SRPK2: variants seen among roughly 807,000 people sequenced by gnomAD.
SRPK2 encodes SRSF protein kinase 2, also known as SFRS protein kinase 2.
A neutral mutation model predicts 90.8 loss-of-function variants in SRPK2; 21 were observed. That is an observed-to-expected ratio of 0.23 (90% CI 0.16 to 0.33). The LOEUF (loss-of-function observed/expected upper bound fraction) is 0.33, where lower values mean the gene tolerates loss of function less well. Among genes scored for constraint, SRPK2 ranks in the 10% least tolerant of loss-of-function variants. SRPK2 has a pLI of 1.00. For synonymous variants in SRPK2, 288 were observed against 311.1 expected (o/e 0.93, Z 0.78); for missense variants, 620 against 869.0 (o/e 0.71, Z 3.60).
intron 2 of SRPK2, among the ~76,000 whole-genome samples, chr7:105,365,487 CAAA>C (rs374198950): frequency 1.4e-5 from 1 of 69,712 alleles, no homozygotes; most frequent in Non-Finnish European, 2.8e-5. Flanking sequence ...AATTCTGTCT[CAAA>C]AAAAAAAAAA....
chr7:105,143,175 G>A lies in SRPK2; in HGVS notation c.969C>T (p.Ser323=), dbSNP rs1169980427. Residue 323 remains serine, a synonymous_variant, in exon 10 of 16, where the codon TCC becomes TCT. Coordinates refer to ENST00000393651, the MANE Select transcript of SRPK2 (RefSeq NM_182692.3). ...IEENITSAAP[S]NDQDGEYCPE... is the part of the protein sequence containing the mutation. Reference sequence around the variant, plus strand: ...GGCAGTATTCGCCATCCTGGTCATTGGAAGGTGCAGCTGAGGTGATGTTTT... The same window carrying A: ...GGCAGTATTCGCCATCCTGGTCATTAGAAGGTGCAGCTGAGGTGATGTTTT... 1.5e-5 allele frequency: 25 copies of A among 1,614,186 alleles called. No individual in the cohort carries two copies. Among genetic ancestry groups the A allele is most frequent in the Non-Finnish European group, 1.9e-5 (23 of 1,180,032 alleles).
At chr7:105,245,548 G>C (rs1801532239) in intron 2 of SRPK2, among the ~76,000 whole-genome samples, 1 of 152,086 alleles carries the variant, frequency 6.6e-6, no homozygotes, top group African/African-American at 2.4e-5. Context: ...CAATATTTGA[G>C]GGCAAATGAG....
intron 3 of SRPK2, among the ~76,000 whole-genome samples, chr7:105,184,812 C>T (rs1793365028): frequency 2.0e-5 from 3 of 152,112 alleles, no homozygotes; most frequent in African/African-American, 7.2e-5. Context: ...TCTGGTTATC[C>T]CCTAATAAGT....
chr7:105,181,509 T>C (rs531578491), intron 3 of SRPK2, among the ~76,000 whole-genome samples: 52 of 152,270 alleles, frequency 3.4e-4, no homozygotes, highest in African/African-American at 1.2e-3. Context: ...GTGGTACACA[T>C]ATACCATGGA....
At chr7:105,380,651 A>C (rs1229360553) in intron 2 of SRPK2, among the ~76,000 whole-genome samples, 1 of 149,922 alleles carries the variant, frequency 6.7e-6, no homozygotes, top group African/African-American at 2.5e-5. Flanking sequence ...ACCCTCCTGC[A>C]TAGCTGGGAT....
intron 2 of SRPK2, chr7:105,304,367 TTA>T (rs2131303369): frequency 6.6e-6 from 1 of 152,328 alleles, no homozygotes; most frequent in East Asian, 1.9e-4. Context: ...GGATAAAGAT[TTA>T]TGACCAATGA....
chr7:105,335,618 C>T (rs1273029158), intron 2 of SRPK2, among the ~76,000 whole-genome samples: 1 of 147,992 alleles, frequency 6.8e-6, no homozygotes, highest in African/African-American at 2.5e-5. Flanking sequence ...TGCCACTGCA[C>T]TCCAGCCCGG....
intron 2 of SRPK2, among the ~76,000 whole-genome samples, chr7:105,385,785 T>C (rs1378982189): frequency 6.6e-6 from 1 of 152,208 alleles, no homozygotes; most frequent in Non-Finnish European, 1.5e-5. Context: ...CTGTTTCACC[T>C]GTAAAATGTC....
intron 6 of SRPK2, among the ~76,000 whole-genome samples, chr7:105,161,706 T>G (rs192616501): frequency 6.6e-6 from 1 of 152,328 alleles, no homozygotes; most frequent in Admixed American, 6.5e-5. Flanking sequence ...CCTGCCTAAA[T>G]TTCTACTTGA....
intron 9 of SRPK2, 159 bp from the exon 10 acceptor site, chr7:105,143,489 C>T (rs958317843): frequency 9.8e-6 from 9 of 922,274 alleles, no homozygotes; most frequent in African/African-American, 6.7e-5. Context: ...GTAAGGCTTA[C>T]GATAAAATCA....
Position 105,167,386 on chromosome 7 carries a change from T to G in SRPK2, c.505A>C (p.Asn169His). 1 of 1,612,440 alleles carries G rather than the reference T, an allele frequency of 6.2e-7. No individual in the cohort carries two copies. The highest frequency in any genetic ancestry group is 1.3e-5 in the African/African-American group (1 of 75,024). The change falls in exon 6 of 16, where the codon AAT becomes CAT. Residue 169 changes from asparagine to histidine, a missense_variant. Transcript: ENST00000393651. Reference sequence around the variant, plus strand: ...AGGAAGTAAAGGATACGTATCCCATTCATGCCTGAAATCTTGAAGTCGTCA... The same window carrying G: ...AGGAAGTAAAGGATACGTATCCCATGCATGCCTGAAATCTTGAAGTCGTCA... ...LIDDFKISGM[N>H]GIHVCMVFEV...
chr7:105,294,382 C>T (rs535922835), intron 2 of SRPK2, among the ~76,000 whole-genome samples: 2 of 152,256 alleles, frequency 1.3e-5, no homozygotes, highest in South Asian at 2.1e-4. Flanking sequence ...TTCCCTAAAC[C>T]GTCTCTTCAG....
intron 2 of SRPK2, among the ~76,000 whole-genome samples, chr7:105,263,543 G>A (rs1804621743): frequency 6.6e-6 from 1 of 152,052 alleles, no homozygotes; most frequent in South Asian, 2.1e-4. Flanking sequence ...TATCCAGAGG[G>A]TTTCTATTTA....
At chr7:105,396,766 G>T (rs993742522) in intron 1 of SRPK2, among the ~76,000 whole-genome samples, 2 of 141,112 alleles carry the variant, frequency 1.4e-5, no homozygotes, top group Admixed American at 1.4e-4. Context: ...AGGAAAGAGA[G>T]AGAAAGAAAG....
chr7:105,212,676 G>A (rs1446640611), intron 2 of SRPK2, among the ~76,000 whole-genome samples: 1 of 152,174 alleles, frequency 6.6e-6, no homozygotes, highest in Non-Finnish European at 1.5e-5. Flanking sequence ...AAAAACATAT[G>A]AAATTAGAGT....
At chr7:105,324,012 TGTGTGG>T (rs1813262965) in intron 2 of SRPK2, among the ~76,000 whole-genome samples, 1 of 142,748 alleles carries the variant, frequency 7.0e-6, no homozygotes, top group African/African-American at 2.7e-5. Context: ...TGTGTGTGTG[TGTGTGG>T]TGGAGTCTCA....
At chr7:105,284,049 C>T (rs111635095) in intron 2 of SRPK2, among the ~76,000 whole-genome samples, 1 of 151,990 alleles carries the variant, frequency 6.6e-6, no homozygotes, top group African/African-American at 2.4e-5. Context: ...GTTACTTGGG[C>T]GTTTTTTGTT....
At chr7:105,353,683 T>C (rs1216238454) in intron 2 of SRPK2, among the ~76,000 whole-genome samples, 1 of 152,118 alleles carries the variant, frequency 6.6e-6, no homozygotes, top group African/African-American at 2.4e-5. Flanking sequence ...TGTTCCTGAA[T>C]GCCCCAAGGT....
At chr7:105,234,849 G>C (rs946786476) in intron 2 of SRPK2, among the ~76,000 whole-genome samples, 2 of 152,198 alleles carry the variant, frequency 1.3e-5, no homozygotes, top group Non-Finnish European at 2.9e-5. Flanking sequence ...CACAGACATG[G>C]AGAAGATGGT....
Sources: gnomAD v4.1 joint callset for allele counts (sites outside exome capture counted in the v4.1 genomes callset) on GRCh38, gnomAD v4.1.1 for gene constraint, MANE v1.5 for transcripts, NCBI Gene and HGNC (gene_info 2026-07-23, HGNC 2026-07-21) for gene names.